SIGLEC5: variants seen among roughly 807,000 people sequenced by gnomAD.
The protein encoded by SIGLEC5 is sialic acid-binding Ig-like lectin 5.
In SIGLEC5, 34 loss-of-function variants were observed where a neutral mutation model predicts 45.9. That is an observed-to-expected ratio of 0.74 (90% CI 0.56 to 0.99). The LOEUF (loss-of-function observed/expected upper bound fraction) is 0.99, where lower values mean the gene tolerates loss of function less well. Among genes scored for constraint, SIGLEC5 ranks in the 50% least tolerant of loss-of-function variants. The pLI is 0.00. For missense variants in SIGLEC5, 508 were observed against 629.6 expected, an observed-to-expected ratio of 0.81 and a Z score of 2.07; for synonymous variants, 203 against 258.6, an observed-to-expected ratio of 0.79 and a Z score of 2.06.
At chr19:51,629,214 G>T in intron 3 of SIGLEC5, 138 bp from the exon 4 acceptor site, 1 of 1,533,410 alleles carries the variant, frequency 6.5e-7, no homozygotes, top group Non-Finnish European at 8.9e-7. Context: ...AGATCCCAAG[G>T]CTTAGATCCA....
chr19:51,616,056 G>A (rs537455060), intron 8 of SIGLEC5, among the ~76,000 whole-genome samples: 13 of 152,310 alleles, frequency 8.5e-5, no homozygotes, highest in East Asian at 3.9e-4. Context: ...GATTATAGGC[G>A]TGAGCCACCG....
intron 8 of SIGLEC5, among the ~76,000 whole-genome samples, chr19:51,616,988 G>T (rs966481939): frequency 2.6e-5 from 4 of 151,156 alleles, no homozygotes; most frequent in African/African-American, 9.7e-5. Flanking sequence ...AAATAGGCCG[G>T]GTGTGGTGGC....
chr19:51,615,726 G>T (rs1164078749), intron 8 of SIGLEC5, among the ~76,000 whole-genome samples: 1 of 152,178 alleles, frequency 6.6e-6, no homozygotes, highest in African/African-American at 2.4e-5. Context: ...AAGTGGGACT[G>T]GTTGGGTGTG....
At chr19:51,612,789 G>A (rs1387787791) in intron 8 of SIGLEC5, among the ~76,000 whole-genome samples, 1 of 152,188 alleles carries the variant, frequency 6.6e-6, no homozygotes, top group Non-Finnish European at 1.5e-5. Flanking sequence ...CTGCCTGCTA[G>A]CTCTAAACCC....
chr19:51,611,400 C>G lies in SIGLEC5; in HGVS notation c.*831G>C, dbSNP rs1267529946. 6.6e-6 allele frequency among the ~76,000 whole-genome samples: 1 copy of G among 152,172 alleles called. No individual in the cohort carries two copies. The highest frequency in any genetic ancestry group is 1.5e-5 in the Non-Finnish European group (1 of 68,032). ...AGGCATGGCTTCCAGGAGGAGGAAT[C>G]TCAAATTGCAAAGACAGTGTGGTAT... On this transcript the variant is annotated 3_prime_UTR_variant, in exon 9 of 9. Transcript: ENST00000683636.
Position 51,628,098 on chromosome 19 carries a change from G to T in SIGLEC5, c.740-7C>A. On this transcript the variant is annotated splice_polypyrimidine_tract_variant and splice_region_variant and intron_variant, in intron 4 of 8. Transcript: ENST00000683636. ...TTTTGCAGGATCTCTAGGGCTTTGG[G>T]GAGAGAAGGGTGGGGAAAGAGAGAT... 1 of 1,511,460 alleles carries T rather than the reference G, an allele frequency of 6.6e-7. No individual in the cohort carries two copies. 93.6% of individuals were successfully genotyped at this position (1,511,460 alleles called of 1,614,324 possible). A position where few individuals can be genotyped will look rare whatever the true frequency, so the allele number is the denominator to read the frequency against.
rs760511099 is a variant in SIGLEC5, at chr19:51,627,491, G to A, written c.1253C>T (p.Ser418Phe). ...VSCKAWNIYG[S>F]QSGSVLLLQG... ...CAGCAGCAGGACAGAGCCGCTCTGG[G>A]ACCCATAGATGTTCCAGGCCTTGCA... The change falls in exon 6 of 9, where the codon TCC (serine) becomes TTC (phenylalanine). Residue 418 changes from serine (S) to phenylalanine (F), a missense_variant. By Grantham distance (155) the Ser-to-Phe change is radical (BLOSUM62 -2). Transcript: ENST00000683636. 1.2e-6 allele frequency: 2 copies of A among 1,613,772 alleles called. No homozygotes were observed. Among genetic ancestry groups the A allele is most frequent in the African/African-American group, 1.3e-5 (1 of 74,896 alleles).
chr19:51,616,031 C>T (rs962265312), intron 8 of SIGLEC5, among the ~76,000 whole-genome samples: 1 of 152,216 alleles, frequency 6.6e-6, no homozygotes, highest in Non-Finnish European at 1.5e-5. Flanking sequence ...CCACCTCGGC[C>T]TCCCAAAGTG....
intron 8 of SIGLEC5, among the ~76,000 whole-genome samples, chr19:51,615,798 C>T (rs1412167570): frequency 2.6e-5 from 4 of 152,134 alleles, no homozygotes; most frequent in Non-Finnish European, 4.4e-5. Flanking sequence ...TTTTTTGAGA[C>T]GATGCTTCAC....
chr19:51,612,727 C>T (rs1458464459), intron 8 of SIGLEC5, among the ~76,000 whole-genome samples: 1 of 152,202 alleles, frequency 6.6e-6, no homozygotes, highest in Admixed American at 6.5e-5. Context: ...ATAGGCTGCG[C>T]AGATATACTG....
intron 8 of SIGLEC5, among the ~76,000 whole-genome samples, chr19:51,613,951 A>G (rs1047751697): frequency 6.6e-6 from 1 of 152,136 alleles, no homozygotes; most frequent in Non-Finnish European, 1.5e-5. Context: ...TGTGCAAACC[A>G]GAAAAGAGAT....
intron 8 of SIGLEC5, among the ~76,000 whole-genome samples, chr19:51,624,958 C>T (rs112684760): frequency 0.029 from 2,127 of 74,508 alleles, 17 homozygotes; most frequent in Non-Finnish European, 0.037. Context: ...AGCAGGACTC[C>T]GTCTCCAAAA....
At chr19:51,628,826 C>CGTGT (rs888817069) in intron 4 of SIGLEC5, among the ~76,000 whole-genome samples, 1 of 133,668 alleles carries the variant, frequency 7.5e-6, no homozygotes, top group African/African-American at 2.9e-5. Flanking sequence ...TGTGTGTGTG[C>CGTGT]GTGTGTGTGT....
intron 7 of SIGLEC5, among the ~76,000 whole-genome samples, chr19:51,626,451 T>C (rs1983485760): frequency 6.6e-6 from 1 of 152,156 alleles, no homozygotes; most frequent in Non-Finnish European, 1.5e-5. Context: ...ATGCGTTCCA[T>C]TTATATAATG....
In SIGLEC5 at chr19:51,627,171, G is replaced by GACAGAT; in HGVS notation, c.1354_1359dup (p.Ile452_Cys453dup). The GACAGAT allele has an allele frequency of 1.2e-6, 2 of 1,613,982 alleles. No individual in the cohort carries two copies. The highest frequency in any genetic ancestry group is 1.7e-6 in the Non-Finnish European group (2 of 1,179,890). On this transcript the variant is annotated inframe_insertion, in exon 7 of 9. Transcript: ENST00000683636. ...TACATTAAAAAGAAGATGAGGCACA[G>GACAGAT]ACAGATACAGAGCAGGGCCATGACA...
chr19:51,615,586 G>T (rs1983023585), intron 8 of SIGLEC5, among the ~76,000 whole-genome samples: 1 of 152,184 alleles, frequency 6.6e-6, no homozygotes, highest in South Asian at 2.1e-4. Context: ...CATTCTCCTT[G>T]CCATTTTCTC....
chr19:51,622,581 G>A (rs1410951778), intron 8 of SIGLEC5, among the ~76,000 whole-genome samples: 3 of 152,004 alleles, frequency 2.0e-5, no homozygotes, highest in Non-Finnish European at 2.9e-5. Flanking sequence ...GATGACTCAG[G>A]GACAGTAAAA....
intron 8 of SIGLEC5, among the ~76,000 whole-genome samples, chr19:51,613,027 T>C (rs1982920302): frequency 6.6e-6 from 1 of 152,182 alleles, no homozygotes; most frequent in South Asian, 2.1e-4. Flanking sequence ...ATTTCATGTG[T>C]TTTGTTGTGC....
At chr19:51,629,132 G>T in intron 3 of SIGLEC5, 56 bp from the exon 4 acceptor site, 1 of 1,588,702 alleles carries the variant, frequency 6.3e-7, no homozygotes, top group Non-Finnish European at 8.6e-7. Context: ...ATGGGCATGG[G>T]CCCAGGAGGT....
Sources: allele counts gnomAD v4.1 joint callset (sites outside exome capture counted in the v4.1 genomes callset), GRCh38; gene constraint gnomAD v4.1.1; transcripts MANE v1.5; gene names NCBI Gene and HGNC (gene_info 2026-07-23, HGNC 2026-07-21).